CELSR1: variants seen among roughly 807,000 people sequenced by gnomAD.
CELSR1 encodes the protein adhesion G protein-coupled receptor C1.
CELSR1 carries 110 observed loss-of-function variants against 249.1 expected under a neutral mutation model. That is an observed-to-expected ratio of 0.44 (90% CI 0.38 to 0.52). The LOEUF (loss-of-function observed/expected upper bound fraction) is 0.52, where lower values mean the gene tolerates loss of function less well. CELSR1 is among the 20% of genes least tolerant of loss of function. The pLI is 0.00. For synonymous variants in CELSR1, 2,113 were observed against 1,900.0 expected (o/e 1.11, Z -2.92); for missense variants, 4,109 against 4,296.4 (o/e 0.96, Z 1.22).
At chr22:46,497,987 G>A (rs925914580) in intron 1 of CELSR1, among the ~76,000 whole-genome samples, 9 of 152,064 alleles carry the variant, frequency 5.9e-5, no homozygotes, top group East Asian at 1.9e-4. Context: ...GGTGGCTCAC[G>A]CTTGTAATCC....
Position 46,536,677 on chromosome 22 carries a change from CG to C in CELSR1, c.493del (p.Arg165AlafsTer79). 2 of 1,148,592 alleles carry C rather than the reference CG, an allele frequency of 1.7e-6. No homozygotes were observed. The highest frequency in any genetic ancestry group is 1.1e-6 in the Non-Finnish European group (1 of 937,670). The allele number at this position is 1,148,592 out of a possible 1,614,324, so 71.2% of individuals were successfully genotyped here. On this transcript the variant is annotated frameshift_variant, in exon 1 of 35. Transcript: ENST00000674500. LOFTEE classifies it high-confidence loss of function. ...CAGGCAGATGGGACGGCCGGGACAG[CG>C]GGGCCTGGGGCGCGGCGGGCAGCGG... is the stretch of plus-strand genomic sequence containing the variant. Reference protein sequence around the residue: ...ACRCPPRPRPRCPGRPICLPP... With the variant: ...ACRCPPRPRPXCPGRPICLPP...
intron 1 of CELSR1, among the ~76,000 whole-genome samples, chr22:46,528,250 T>C (rs1050077573): frequency 6.6e-6 from 1 of 152,158 alleles, no homozygotes; most frequent in Admixed American, 6.6e-5. Context: ...ATATCCTGTA[T>C]TTAACTAGGC....
rs1030022424 is a variant in CELSR1, at chr22:46,441,939, G to A, written c.4184-2528C>T. Among the ~76,000 whole-genome samples, 3 of 152,160 alleles carry A rather than the reference G, an allele frequency of 2.0e-5. No individual in the cohort carries two copies. The highest frequency in any genetic ancestry group is 6.5e-5 in the Admixed American group (1 of 15,278). On this transcript the variant is annotated intron_variant, in intron 2 of 34. Coordinates refer to ENST00000674500, the MANE Select transcript of CELSR1 (RefSeq NM_001378328.1). This position sits in a 1 kb window ranked among gnomAD's most constrained non-coding sequence, Gnocchi z 6.1. ...TGAGGCGGGTAGATTACCAGAGGTCGAGAGTTCAAGACCAGCCTAACCAAC... is the reference window on the plus strand; with the variant it reads ...TGAGGCGGGTAGATTACCAGAGGTCAAGAGTTCAAGACCAGCCTAACCAAC...
intron 4 of CELSR1, among the ~76,000 whole-genome samples, chr22:46,435,887 G>C (rs537925048): frequency 2.0e-4 from 31 of 152,090 alleles, no homozygotes; most frequent in African/African-American, 6.7e-4. Context: ...TTTTAGTACA[G>C]AGGGGGTTTC....
In CELSR1 at chr22:46,533,761, C is replaced by T. The variant is rs1161728230; in HGVS notation, c.3410G>A (p.Ser1137Asn). 11 of 1,613,568 alleles carry T rather than the reference C, an allele frequency of 6.8e-6. No homozygotes were observed. Among genetic ancestry groups the T allele is most frequent in the East Asian group, 4.5e-5 (2 of 44,888 alleles). ...IPAHDPDVSD[S>N]LNYTFVQGNE... ...GCCCTGCACGAAGGTGTAGTTGAGG[C>T]TGTCTGACACGTCGGGGTCATGGGC... Residue 1137 changes from serine (S) to asparagine (N), a missense_variant, in exon 1 of 35, where the codon AGC becomes AAC. Physicochemically the swap from Ser to Asn is conservative, Grantham distance 46 (BLOSUM62 1). Transcript: ENST00000674500.
At chr22:46,481,166 T>C (rs892058068) in intron 1 of CELSR1, among the ~76,000 whole-genome samples, 1 of 150,916 alleles carries the variant, frequency 6.6e-6, no homozygotes, top group Non-Finnish European at 1.5e-5. Context: ...ACCTGGGAGG[T>C]GGAGGTTGCA....
chr22:46,481,624 C>T, intron 1 of CELSR1: 1 of 694,232 alleles, frequency 1.4e-6, no homozygotes. Flanking sequence ...ACTGTCCTCA[C>T]AACAGCTGGT....
Position 46,472,893 on chromosome 22 carries a change from T to C in CELSR1, c.3545-8548A>G, listed in dbSNP as rs1441168798. 6.6e-6 allele frequency among the ~76,000 whole-genome samples: 1 copy of C among 152,216 alleles called. No homozygotes were observed. Among genetic ancestry groups the C allele is most frequent in the Non-Finnish European group, 1.5e-5 (1 of 68,046 alleles). ...GGCTCTCCCTGTGTCGTCACGGCTC[T>C]GTCTTCTGTTCACCGCACCGGAAGC... is the stretch of plus-strand genomic sequence containing the variant. On this transcript the variant is annotated intron_variant, in intron 1 of 34. Coordinates refer to ENST00000674500, the MANE Select transcript of CELSR1 (RefSeq NM_001378328.1). This position sits in a 1 kb window ranked among gnomAD's most constrained non-coding sequence, Gnocchi z 7.0.
Position 46,434,246 on chromosome 22 carries a change from GTC to G in CELSR1, c.4523-767_4523-766del, listed in dbSNP as rs1310044369. ...CTCTTGTGCATCTCTGCTTTGGGGT[GTC>G]TGTCATTTCCACCCCTTGAGCTCCT... is the stretch of plus-strand genomic sequence containing the variant. On this transcript the variant is annotated intron_variant, in intron 4 of 34. Coordinates refer to ENST00000674500, the MANE Select transcript of CELSR1 (RefSeq NM_001378328.1). The surrounding 1 kb of genome is among the most constrained non-coding windows in gnomAD (Gnocchi z 4.9). Among the ~76,000 whole-genome samples the G allele has an allele frequency of 6.6e-6, 1 of 152,228 alleles. No homozygotes were observed. The highest frequency in any genetic ancestry group is 1.5e-5 in the Non-Finnish European group (1 of 68,044).
At position 46,463,750 on chromosome 22, in the gene CELSR1, G is replaced by A. The variant is rs754275234; in HGVS notation, c.4140C>T (p.Ser1380=). ...ACTCGCAGGTGTAGCCGCCCTCGCG[G>A]CTGCGGCAGCGGCCGTTGGCGCCGC... The part of the protein sequence containing the change: ...DPCGANGRCR[S]REGGYTCECF... Residue 1380 remains serine, a synonymous_variant, in exon 2 of 35, where the codon AGC becomes AGT. Coordinates refer to ENST00000674500, the MANE Select transcript of CELSR1 (RefSeq NM_001378328.1). The A allele has an allele frequency of 1.8e-5, 28 of 1,544,180 alleles. 1 individual carries two copies. The highest frequency in any genetic ancestry group is 2.4e-5 in the Non-Finnish European group (28 of 1,147,062).
At position 46,472,707 on chromosome 22, in the gene CELSR1, G is replaced by T. The variant is rs1284645169; in HGVS notation, c.3545-8362C>A. 1.3e-5 allele frequency among the ~76,000 whole-genome samples: 2 copies of T among 152,198 alleles called. No homozygotes were observed. Among genetic ancestry groups the T allele is most frequent in the Non-Finnish European group, 2.9e-5 (2 of 68,032 alleles). On this transcript the variant is annotated intron_variant, in intron 1 of 34. Transcript: ENST00000674500. The surrounding 1 kb of genome is among the most constrained non-coding windows in gnomAD (Gnocchi z 7.0). ...CACTCTCTCCGTTTTGGAGGCCAGG[G>T]ATCTGAAATTCAGGTGTTGGCGGGG...
chr22:46,529,995 A>C (rs1602246454), intron 1 of CELSR1, among the ~76,000 whole-genome samples: 4 of 151,992 alleles, frequency 2.6e-5, no homozygotes, highest in African/African-American at 9.6e-5. Flanking sequence ...CCTGTGCCAG[A>C]ATATCTCATG....
rs1216846934 is a variant in CELSR1, at chr22:46,393,583, C to A, written c.5964+559G>T. Among the ~76,000 whole-genome samples, 3 of 152,000 alleles carry A rather than the reference C, an allele frequency of 2.0e-5. No individual in the cohort carries two copies. The East Asian group carries it at 5.8e-4, about 29-fold the overall frequency. ...TGAAATCCTGTCTCTACTAAAAATACAAAAATTAGCTGGGCATGGTGGTGG... is the reference window on the plus strand; with the variant it reads ...TGAAATCCTGTCTCTACTAAAAATAAAAAAATTAGCTGGGCATGGTGGTGG... On this transcript the variant is annotated intron_variant, in intron 14 of 34. Transcript: ENST00000674500. The surrounding 1 kb of genome is among the most constrained non-coding windows in gnomAD (Gnocchi z 4.1).
At chr22:46,504,620 G>A (rs945246640) in intron 1 of CELSR1, among the ~76,000 whole-genome samples, 2 of 151,976 alleles carry the variant, frequency 1.3e-5, no homozygotes, top group Non-Finnish European at 2.9e-5. Flanking sequence ...TTACCTACAG[G>A]ATTAGAAAAG....
intron 9 of CELSR1, among the ~76,000 whole-genome samples, chr22:46,405,215 C>G (rs1434742842): frequency 6.6e-6 from 1 of 151,456 alleles, no homozygotes; most frequent in African/African-American, 2.4e-5. Flanking sequence ...AATCCCAGCA[C>G]TTTGGGAGGC....
At chr22:46,533,561 GC>G (rs2080814367) in intron 1 of CELSR1, 65 bp downstream of exon 1, 4 of 1,500,124 alleles carry the variant, frequency 2.7e-6, no homozygotes, top group Non-Finnish European at 3.5e-6. Context: ...GGAGCCCTTG[GC>G]GGGTTCCTGA....
rs1052835026 is a variant in CELSR1 at position 46,412,015 on chromosome 22, G to A, written c.4612-256C>T. Among the ~76,000 whole-genome samples the A allele has an allele frequency of 1.3e-5, 2 of 152,244 alleles. No individual in the cohort carries two copies. The highest frequency in any genetic ancestry group is 6.5e-5 in the Admixed American group (1 of 15,292). Reference sequence around the variant, plus strand: ...AGCTGGTGCTGATGGAATTAGCTAAGATGCGGACGTCCTGGAGTAGGCGGG... The same window carrying A: ...AGCTGGTGCTGATGGAATTAGCTAAAATGCGGACGTCCTGGAGTAGGCGGG... On this transcript the variant is annotated intron_variant, in intron 5 of 34. Transcript: ENST00000674500. The surrounding 1 kb of genome is among the most constrained non-coding windows in gnomAD (Gnocchi z 4.5).
chr22:46,481,465 G>C, intron 1 of CELSR1: 1 of 1,578,940 alleles, frequency 6.3e-7, no homozygotes, highest in Admixed American at 1.8e-5. Flanking sequence ...AGCATCTATT[G>C]AATCTTTGGC....
At chr22:46,416,840 T>C (rs372007108) in intron 5 of CELSR1, among the ~76,000 whole-genome samples, 5 of 152,254 alleles carry the variant, frequency 3.3e-5, no homozygotes, top group South Asian at 4.1e-4. Flanking sequence ...AGTTTCTGTG[T>C]GCGCACAAAA....
Sources: allele counts gnomAD v4.1 joint callset (sites outside exome capture counted in the v4.1 genomes callset), GRCh38; gene constraint gnomAD v4.1.1; non-coding constraint Gnocchi (gnomAD v3.1); transcripts MANE v1.5; gene names NCBI Gene and HGNC (gene_info 2026-07-23, HGNC 2026-07-21).